TTLL5: variants seen among roughly 807,000 people sequenced by gnomAD.
TTLL5 encodes the protein tubulin polyglutamylase TTLL5.
TTLL5 carries 132 observed loss-of-function variants against 168.4 expected under a neutral mutation model. The ratio of observed to expected loss-of-function variants is 0.78; its 90% CI spans 0.68 to 0.91. The LOEUF (loss-of-function observed/expected upper bound fraction) is 0.91. Among genes scored for constraint, TTLL5 ranks in the 40% least tolerant of loss-of-function variants. The pLI, the probability that TTLL5 is intolerant of heterozygous loss-of-function variation, is 0.00. For synonymous variants in TTLL5, 546 were observed against 558.6 expected, an observed-to-expected ratio of 0.98 and a Z score of 0.32; for missense variants, 1,545 against 1,581.5, an observed-to-expected ratio of 0.98 and a Z score of 0.39.
chr14:75,722,730 A>G (rs1887922079), intron 12 of TTLL5, among the ~76,000 whole-genome samples: 1 of 152,088 alleles, frequency 6.6e-6, no homozygotes, highest in East Asian at 1.9e-4. Flanking sequence ...AGCTCACTGC[A>G]GCCTTGAACT....
intron 3 of TTLL5, among the ~76,000 whole-genome samples, chr14:75,670,391 C>T (rs972808016): frequency 7.2e-5 from 11 of 151,924 alleles, no homozygotes; most frequent in African/African-American, 1.9e-4. Context: ...TGAATGTTCA[C>T]GGAAAAGTCG....
intron 27 of TTLL5, among the ~76,000 whole-genome samples, chr14:75,807,381 C>A (rs1210170466): frequency 6.6e-6 from 1 of 152,144 alleles, no homozygotes; most frequent in Non-Finnish European, 1.5e-5. Flanking sequence ...CCAAGAGCTG[C>A]AGTGTGCCAT....
At chr14:75,662,539 A>G (rs1890812428) in intron 1 of TTLL5, among the ~76,000 whole-genome samples, 2 of 140,482 alleles carry the variant, frequency 1.4e-5, no homozygotes, top group Admixed American at 7.4e-5. Context: ...GGGTTTCTCC[A>G]TGTTAGTCAG....
intron 29 of TTLL5, among the ~76,000 whole-genome samples, chr14:75,882,329 C>A (rs1034250021): frequency 6.6e-6 from 1 of 152,180 alleles, no homozygotes; most frequent in East Asian, 1.9e-4. Context: ...TAGTACTTCA[C>A]GCCTCGAAAG....
intron 19 of TTLL5, among the ~76,000 whole-genome samples, chr14:75,765,342 C>T (rs1179740048): frequency 6.6e-6 from 1 of 151,980 alleles, no homozygotes; most frequent in South Asian, 2.1e-4. Context: ...ACTTACAAGG[C>T]GATAGAGAAG....
chr14:75,809,434 G>A (rs1893857029), intron 27 of TTLL5, among the ~76,000 whole-genome samples: 1 of 152,146 alleles, frequency 6.6e-6, no homozygotes, highest in South Asian at 2.1e-4. Flanking sequence ...CAAGGATTTG[G>A]GGGTTATTCA....
At chr14:75,863,911 TAAAAAAAAA>T (rs76733656) in intron 29 of TTLL5, 49 bp downstream of exon 29, 163 of 99,982 alleles carry the variant, frequency 1.6e-3, no homozygotes, top group African/African-American at 6.5e-3. Context: ...CTGCTGTTGG[TAAAAAAAAA>T]AAAAAAAAAA....
intron 12 of TTLL5, among the ~76,000 whole-genome samples, chr14:75,729,633 A>G (rs1032200546): frequency 6.6e-6 from 1 of 152,182 alleles, no homozygotes; most frequent in African/African-American, 2.4e-5. Context: ...ATGCTGTCAC[A>G]TACCAATATA....
At position 75,745,061 on chromosome 14, in the gene TTLL5, A is replaced by AT. The variant is rs553892320; in HGVS notation, c.1282-26dup. 9,001 of 1,581,502 alleles carry AT rather than the reference A, an allele frequency of 5.7e-3. 40 individuals carry two copies. Among genetic ancestry groups the AT allele is most frequent in the Non-Finnish European group, 6.5e-3 (7,547 of 1,159,870 alleles). Reference sequence around the variant, plus strand: ...ATGAGGAGTAATGAAAACTTAAAAAATTTTTTTTACTATTTTCATTTTCTT... The same window carrying AT: ...ATGAGGAGTAATGAAAACTTAAAAAATTTTTTTTTACTATTTTCATTTTCTT... On this transcript the variant is annotated intron_variant, in intron 15 of 31. Coordinates refer to ENST00000298832, the MANE Select transcript of TTLL5 (RefSeq NM_015072.5).
At chr14:75,948,501 A>C (rs960583893) in intron 31 of TTLL5, among the ~76,000 whole-genome samples, 3 of 152,006 alleles carry the variant, frequency 2.0e-5, no homozygotes, top group Admixed American at 6.6e-5. Context: ...AAAAAATCAT[A>C]ATTTTAAAAT....
chr14:75,896,606 T>G (rs925862340), intron 30 of TTLL5, among the ~76,000 whole-genome samples: 2 of 152,244 alleles, frequency 1.3e-5, no homozygotes, highest in Non-Finnish European at 1.5e-5. Context: ...AGTACCCCTG[T>G]GTTGGGGATG....
chr14:75,745,071 C>T (rs1566585384), intron 15 of TTLL5, 24 bp from the exon 16 acceptor site: 1 of 1,601,156 alleles, frequency 6.2e-7, no homozygotes, highest in South Asian at 1.1e-5. Context: ...ATTTTTTTTA[C>T]TATTTTCATT....
intron 26 of TTLL5, among the ~76,000 whole-genome samples, chr14:75,785,610 A>G (rs1351389719): frequency 6.6e-6 from 1 of 152,214 alleles, no homozygotes. Context: ...AATCAGCATC[A>G]TTTGTGGAAA....
intron 31 of TTLL5, among the ~76,000 whole-genome samples, chr14:75,914,033 A>ATATATATATATATATATATATATAT (rs1555356334): frequency 1.4e-5 from 1 of 71,100 alleles, no homozygotes; most frequent in African/African-American, 1.6e-4. Context: ...AAAAAAAAAA[A>ATATATATATATATATATATATATAT]ATATATATAT....
chr14:75,954,580 A>G lies in TTLL5; in HGVS notation c.*134A>G. 1 of 923,932 alleles carries G rather than the reference A, an allele frequency of 1.1e-6. No individual in the cohort carries two copies. The highest frequency in any genetic ancestry group is 1.7e-6 in the Non-Finnish European group (1 of 592,068). 57.2% of individuals were successfully genotyped at this position (923,932 alleles called of 1,614,324 possible). On this transcript the variant is annotated 3_prime_UTR_variant, in exon 32 of 32. Coordinates refer to ENST00000298832, the MANE Select transcript of TTLL5 (RefSeq NM_015072.5). The stretch of plus-strand genomic sequence containing the variant: ...CTCAAAGTCCCCAAAGCCTTCGAGC[A>G]GAAGTGGCAGTAGATGGTTGCCAAT...
chr14:75,921,069 G>A (rs1430632266), intron 31 of TTLL5, among the ~76,000 whole-genome samples: 1 of 152,118 alleles, frequency 6.6e-6, no homozygotes. Context: ...TTTTGATGGG[G>A]TTGTTTGTTT....
At chr14:75,790,331 A>C (rs895501196) in intron 26 of TTLL5, among the ~76,000 whole-genome samples, 1 of 152,206 alleles carries the variant, frequency 6.6e-6, no homozygotes, top group Admixed American at 6.5e-5. Flanking sequence ...CCCAATAGAA[A>C]AATGATACCA....
At chr14:75,872,963 C>CT (rs910435967) in intron 29 of TTLL5, among the ~76,000 whole-genome samples, 87 of 151,282 alleles carry the variant, frequency 5.8e-4, no homozygotes, top group African/African-American at 1.5e-3. Flanking sequence ...TGTGTATCAC[C>CT]TTTTTTTTAT....
rs779488443 is a variant in TTLL5 at position 75,699,287 on chromosome 14, T to C, written c.585+17T>C. ...ATCAACAATGTAAGTATGCAGCAGATGGCAAACCTCTCTCCTCACTTGTTC... is the reference window on the plus strand; with the variant it reads ...ATCAACAATGTAAGTATGCAGCAGACGGCAAACCTCTCTCCTCACTTGTTC... On this transcript the variant is annotated intron_variant, in intron 7 of 31. Coordinates refer to ENST00000298832, the MANE Select transcript of TTLL5 (RefSeq NM_015072.5). The C allele has an allele frequency of 1.9e-6, 3 of 1,603,970 alleles. No individual in the cohort carries two copies. In the South Asian group the frequency reaches 3.3e-5, roughly 18 times the overall value.
Sources: allele counts gnomAD v4.1 joint callset (sites outside exome capture counted in the v4.1 genomes callset), GRCh38; gene constraint gnomAD v4.1.1; transcripts MANE v1.5; gene names NCBI Gene and HGNC (gene_info 2026-07-23, HGNC 2026-07-21).